Variants in TATDN1 observed in about 807,000 individuals in gnomAD.
TATDN1 encodes the protein TatD DNase domain containing 1.
TATDN1 carries 40 observed loss-of-function variants against 46.4 expected under a neutral mutation model. The ratio of observed to expected loss-of-function variants is 0.86; its 90% CI spans 0.67 to 1.12. The LOEUF is 1.12. Ranked by LOEUF, TATDN1 falls within the 50% of genes most tolerant of loss-of-function variation. TATDN1 has a pLI of 0.00. For synonymous variants in TATDN1, 95 were observed against 105.6 expected (o/e 0.90, Z 0.62); for missense variants, 326 against 348.4 (o/e 0.94, Z 0.51).
chr8:124,498,668 A>C (rs1050668147), intron 9 of TATDN1, among the ~76,000 whole-genome samples: 2 of 152,032 alleles, frequency 1.3e-5, no homozygotes, highest in African/African-American at 4.8e-5. Context: ...AATCTACAGA[A>C]CAGACGGAGT....
chr8:124,503,489 T>G (rs1818153110), intron 9 of TATDN1, among the ~76,000 whole-genome samples: 1 of 152,218 alleles, frequency 6.6e-6, no homozygotes, highest in South Asian at 2.1e-4. Flanking sequence ...TGAAAGCATC[T>G]TAGACATTTA....
At chr8:124,520,477 T>C (rs567588668) in intron 3 of TATDN1, among the ~76,000 whole-genome samples, 2 of 152,054 alleles carry the variant, frequency 1.3e-5, no homozygotes, top group Admixed American at 1.3e-4. Flanking sequence ...TGGGAAAACT[T>C]TCTTGTTACT....
intron 6 of TATDN1, 144 bp from the exon 7 acceptor site, chr8:124,508,832 C>G: frequency 1.8e-6 from 1 of 556,282 alleles, no homozygotes; most frequent in South Asian, 2.9e-5. Flanking sequence ...TAAAGCACAT[C>G]AGGCTTATCA....
At chr8:124,528,866 T>A (rs1418043520) in intron 1 of TATDN1, among the ~76,000 whole-genome samples, 1 of 152,188 alleles carries the variant, frequency 6.6e-6, no homozygotes, top group African/African-American at 2.4e-5. Context: ...AGTTTATAGA[T>A]TCTTGTTCTC....
At chr8:124,517,300 C>T (rs956022193) in intron 4 of TATDN1, among the ~76,000 whole-genome samples, 3 of 151,946 alleles carry the variant, frequency 2.0e-5, no homozygotes, top group Non-Finnish European at 4.4e-5. Context: ...TGGTGGCACA[C>T]GCCTGTAATC....
At chr8:124,523,034 T>C (rs554560149) in intron 1 of TATDN1, 32 bp from the exon 2 acceptor site, 1 of 1,581,704 alleles carries the variant, frequency 6.3e-7, no homozygotes, top group Admixed American at 1.7e-5. Context: ...GATTAATTAT[T>C]GAGTCTCTAC....
chr8:124,489,092 C>A (rs1364929355), intron 11 of TATDN1: 1 of 182,382 alleles, frequency 5.5e-6, no homozygotes, highest in South Asian at 1.1e-4. Context: ...AAGTACTGTT[C>A]CATTTTTTGT....
chr8:124,500,847 T>C (rs1469697080), intron 9 of TATDN1, among the ~76,000 whole-genome samples: 2 of 151,632 alleles, frequency 1.3e-5, no homozygotes, highest in Non-Finnish European at 2.9e-5. Flanking sequence ...TCACAACATA[T>C]AGCTGAAAGT....
rs774523621 is a variant in TATDN1 at position 124,493,826 on chromosome 8, TACTC to T, written c.791+3_791+6del. The T allele has an allele frequency of 2.3e-5, 36 of 1,590,960 alleles. No individual in the cohort carries two copies. The highest frequency in any genetic ancestry group is 2.8e-5 in the Non-Finnish European group (33 of 1,173,916). ...GATTTTGAAGACCATGAAAGCAAAA[TACTC>T]ACATTATATGGCAGGGTTCATTTCT... On this transcript the variant is annotated splice_donor_5th_base_variant and intron_variant, in intron 11 of 11. Transcript: ENST00000276692.
intron 1 of TATDN1, among the ~76,000 whole-genome samples, chr8:124,533,120 C>T (rs1397130937): frequency 2.0e-5 from 3 of 151,886 alleles, no homozygotes; most frequent in Admixed American, 1.3e-4. Flanking sequence ...GGCGTGGTGG[C>T]AGGCGCCTGT....
chr8:124,519,829 C>T (rs1819871534), intron 3 of TATDN1, among the ~76,000 whole-genome samples: 1 of 152,178 alleles, frequency 6.6e-6, no homozygotes. Context: ...CTTTCCTAAT[C>T]TGTTAAAATG....
chr8:124,515,827 T>C (rs565282798), intron 5 of TATDN1, 39 bp from the exon 6 acceptor site: 7 of 1,613,634 alleles, frequency 4.3e-6, no homozygotes, highest in South Asian at 3.3e-5. Context: ...TCCTAACTTA[T>C]ACAGAACAAA....
At chr8:124,510,313 T>C (rs2131439959) in intron 6 of TATDN1, among the ~76,000 whole-genome samples, 1 of 152,318 alleles carries the variant, frequency 6.6e-6, no homozygotes, top group South Asian at 2.1e-4. Flanking sequence ...AAGTGTGCAC[T>C]AGTCATTATG....
chr8:124,534,229 C>T (rs1821239954), intron 1 of TATDN1, among the ~76,000 whole-genome samples: 1 of 150,204 alleles, frequency 6.7e-6, no homozygotes, highest in Admixed American at 6.6e-5. Context: ...CAAGCCACTG[C>T]CTACTTTTGT....
chr8:124,502,391 GGCTA>G (rs1248732148), intron 9 of TATDN1, among the ~76,000 whole-genome samples: 1 of 150,852 alleles, frequency 6.6e-6, no homozygotes, highest in African/African-American at 2.4e-5. Flanking sequence ...TAACTATCCA[GGCTA>G]ACTTGTAAGA....
intron 1 of TATDN1, among the ~76,000 whole-genome samples, chr8:124,529,550 C>A (rs959544389): frequency 3.9e-5 from 6 of 152,154 alleles, no homozygotes; most frequent in African/African-American, 1.4e-4. Context: ...GACCTTATGC[C>A]ACATACAAAC....
intron 9 of TATDN1, among the ~76,000 whole-genome samples, chr8:124,503,293 T>C (rs1268786341): frequency 1.3e-5 from 2 of 152,172 alleles, no homozygotes; most frequent in African/African-American, 2.4e-5. Context: ...ATGGATATTA[T>C]TTAGAAATAT....
chr8:124,515,183 C>A (rs1338929052), intron 6 of TATDN1, among the ~76,000 whole-genome samples: 4 of 152,102 alleles, frequency 2.6e-5, no homozygotes, highest in Non-Finnish European at 4.4e-5. Flanking sequence ...GAGTTTGAGA[C>A]CAGCTTGACC....
chr8:124,493,750 A>G (rs1467744635), intron 11 of TATDN1, 83 bp downstream of exon 11: 3 of 1,481,338 alleles, frequency 2.0e-6, no homozygotes, highest in Non-Finnish European at 2.7e-6. Flanking sequence ...GCAAAATTTT[A>G]ATTCTGTCCC....
Sources: gnomAD v4.1 joint callset for allele counts (sites outside exome capture counted in the v4.1 genomes callset) on GRCh38, gnomAD v4.1.1 for gene constraint, MANE v1.5 for transcripts, NCBI Gene and HGNC (gene_info 2026-07-23, HGNC 2026-07-21) for gene names.